The following BRINP1 variants were observed in gnomAD, a reference collection of about 807,000 sequenced individuals.
The protein encoded by BRINP1 is BMP/retinoic acid inducible neural specific 1.
In BRINP1, 17 loss-of-function variants were observed where a neutral mutation model predicts 72.9. The observed-to-expected ratio is 0.23, with a 90% CI of 0.16 to 0.35. BRINP1 has a LOEUF of 0.35. Among genes scored for constraint, BRINP1 ranks in the 10% least tolerant of loss-of-function variants. The pLI, the probability that BRINP1 is intolerant of heterozygous loss-of-function variation, is 1.00. For synonymous variants in BRINP1, 418 were observed against 378.5 expected, an observed-to-expected ratio of 1.10 and a Z score of -1.21; for missense variants, 850 against 1,001.6, an observed-to-expected ratio of 0.85 and a Z score of 2.04.
At chr9:119,329,712 G>A (rs1467368542) in intron 1 of BRINP1, among the ~76,000 whole-genome samples, 2 of 152,150 alleles carry the variant, frequency 1.3e-5, no homozygotes, top group Admixed American at 6.5e-5. Context: ...CAGTCAGAGA[G>A]GTAACACCAG....
intron 1 of BRINP1, among the ~76,000 whole-genome samples, chr9:119,349,788 G>C (rs1173139403): frequency 1.3e-5 from 2 of 152,162 alleles, no homozygotes; most frequent in Admixed American, 1.3e-4. Context: ...GGGAAGTGCA[G>C]AGGGGAAAAC....
chr9:119,293,357 G>A (rs1050802930), intron 2 of BRINP1, among the ~76,000 whole-genome samples: 10 of 151,272 alleles, frequency 6.6e-5, no homozygotes, highest in African/African-American at 2.4e-4. Flanking sequence ...GAATCTTTAT[G>A]TATGGATAAG....
At chr9:119,346,431 A>G (rs1031754481) in intron 1 of BRINP1, among the ~76,000 whole-genome samples, 3 of 152,224 alleles carry the variant, frequency 2.0e-5, no homozygotes, top group African/African-American at 7.2e-5. Flanking sequence ...CAAAACAGAC[A>G]CTGCAATCAC....
At chr9:119,296,238 T>C (rs547372815) in intron 2 of BRINP1, among the ~76,000 whole-genome samples, 58 of 152,234 alleles carry the variant, frequency 3.8e-4, no homozygotes, top group African/African-American at 1.3e-3. Context: ...AGGACCTGAA[T>C]AGGCATTTTT....
chr9:119,351,966 C>T (rs1217406054), intron 1 of BRINP1, among the ~76,000 whole-genome samples: 1 of 151,894 alleles, frequency 6.6e-6, no homozygotes, highest in Non-Finnish European at 1.5e-5. Flanking sequence ...CCACCATGCC[C>T]AGCTAATTTT....
rs1281945379 is a variant in BRINP1 at position 119,242,139 on chromosome 9, C to G, written c.487G>C (p.Ala163Pro). Residue 163 changes from alanine to proline, a missense_variant, in exon 4 of 8, where the codon GCT becomes CCT. Ala to Pro is a conservative substitution (Grantham distance 27). Transcript: ENST00000265922. ...KSGNATQSVE[A>P]LHQLASSYFV... ...TAGGATGATGCGAGCTGGTGCAGAG[C>G]TTCAACACTTTGAGTGGCATTCCCT... 6.2e-7 allele frequency: 1 copy of G among 1,614,180 alleles called. No individual in the cohort carries two copies. Among genetic ancestry groups the G allele is most frequent in the Admixed American group, 1.7e-5 (1 of 60,020 alleles).
chr9:119,278,759 G>T (rs545994332), intron 2 of BRINP1, among the ~76,000 whole-genome samples: 4 of 151,994 alleles, frequency 2.6e-5, no homozygotes, highest in Non-Finnish European at 5.9e-5. Flanking sequence ...GTGGTGGTGC[G>T]TGCCTGTAGT....
At chr9:119,338,184 C>G (rs1371294258) in intron 1 of BRINP1, among the ~76,000 whole-genome samples, 1 of 151,816 alleles carries the variant, frequency 6.6e-6, no homozygotes. Context: ...AATCTCCAAT[C>G]TCTAAGGCTC....
intron 2 of BRINP1, among the ~76,000 whole-genome samples, chr9:119,295,153 A>T (rs974754572): frequency 6.7e-6 from 1 of 149,152 alleles, no homozygotes; most frequent in Non-Finnish European, 1.5e-5. Context: ...ATTTTTTATT[A>T]TTTTTAATTT....
intron 7 of BRINP1, among the ~76,000 whole-genome samples, chr9:119,208,132 T>C (rs545748743): frequency 6.6e-6 from 1 of 152,244 alleles, no homozygotes; most frequent in African/African-American, 2.4e-5. Context: ...ACCCGGTATA[T>C]CCAGGACATG....
chr9:119,332,612 G>C (rs1360298134), intron 1 of BRINP1, among the ~76,000 whole-genome samples: 1 of 152,168 alleles, frequency 6.6e-6, no homozygotes, highest in Non-Finnish European at 1.5e-5. Flanking sequence ...TAACCTCTGT[G>C]CTCCTGCTAC....
intron 2 of BRINP1, among the ~76,000 whole-genome samples, chr9:119,302,478 T>C (rs1294157935): frequency 6.6e-6 from 1 of 152,010 alleles, no homozygotes; most frequent in Non-Finnish European, 1.5e-5. Flanking sequence ...ATAGTGTTAT[T>C]GGTATTTTTG....
chr9:119,172,778 C>G (rs1351451379), intron 7 of BRINP1, among the ~76,000 whole-genome samples: 2 of 152,048 alleles, frequency 1.3e-5, no homozygotes, highest in Non-Finnish European at 2.9e-5. Context: ...AAAAGCTTAT[C>G]CACCACGATC....
chr9:119,177,826 C>T (rs1405239442), intron 7 of BRINP1, among the ~76,000 whole-genome samples: 1 of 152,146 alleles, frequency 6.6e-6, no homozygotes, highest in Non-Finnish European at 1.5e-5. Context: ...GAGATACATT[C>T]GCGAGCTGCG....
chr9:119,233,896 C>G (rs1323986781), intron 5 of BRINP1, among the ~76,000 whole-genome samples: 1 of 152,158 alleles, frequency 6.6e-6, no homozygotes, highest in Non-Finnish European at 1.5e-5. Flanking sequence ...ATCCCACAGC[C>G]TGTACTCATT....
At chr9:119,334,654 G>A (rs1831330943) in intron 1 of BRINP1, among the ~76,000 whole-genome samples, 1 of 152,102 alleles carries the variant, frequency 6.6e-6, no homozygotes, top group Non-Finnish European at 1.5e-5. Context: ...CTTGGTCTCT[G>A]CACCTGTGCA....
chr9:119,222,210 G>C (rs987609081), intron 5 of BRINP1, among the ~76,000 whole-genome samples: 55 of 152,064 alleles, frequency 3.6e-4, no homozygotes, highest in African/African-American at 1.2e-3. Context: ...CCACCATGTA[G>C]CATAAGGAAG....
chr9:119,267,363 G>A (rs560483981), intron 2 of BRINP1, among the ~76,000 whole-genome samples: 3 of 152,156 alleles, frequency 2.0e-5, no homozygotes, highest in African/African-American at 4.8e-5. Context: ...GACCAGGCAC[G>A]GTGGCTCACA....
chr9:119,242,684 C>T (rs897654829), intron 3 of BRINP1, among the ~76,000 whole-genome samples: 3 of 152,132 alleles, frequency 2.0e-5, no homozygotes, highest in Admixed American at 2.0e-4. Flanking sequence ...TCCCCTCCCC[C>T]TGATCTTTTC....
Sources: allele counts gnomAD v4.1 joint callset (sites outside exome capture counted in the v4.1 genomes callset), GRCh38; gene constraint gnomAD v4.1.1; transcripts MANE v1.5; gene names NCBI Gene and HGNC (gene_info 2026-07-23, HGNC 2026-07-21).